Variants in SLIT2 observed in about 807,000 individuals in gnomAD.
SLIT2 encodes slit guidance ligand 2.
In SLIT2, 41 loss-of-function variants were observed where a neutral mutation model predicts 185.7. The ratio of observed to expected loss-of-function variants is 0.22; its 90% CI spans 0.17 to 0.29. SLIT2 has a LOEUF of 0.29. Ranked by LOEUF, SLIT2 falls within the 10% of genes least tolerant of loss-of-function variation. The pLI, the probability that SLIT2 is intolerant of heterozygous loss-of-function variation, is 1.00. For synonymous variants in SLIT2, 693 were observed against 680.2 expected, an observed-to-expected ratio of 1.02 and a Z score of -0.29; for missense variants, 1,571 against 1,909.0, an observed-to-expected ratio of 0.82 and a Z score of 3.30.
Position 20,350,385 on chromosome 4 carries a change from C to A in SLIT2, c.395+81504C>A, listed in dbSNP as rs143227761. Among the ~76,000 whole-genome samples the A allele has an allele frequency of 3.1e-3, 476 of 151,798 alleles. 3 individuals carry two copies. Among genetic ancestry groups the A allele is most frequent in the African/African-American group, 0.011 (452 of 41,372 alleles). On this transcript the variant is annotated intron_variant, in intron 4 of 36. Transcript: ENST00000504154. ...ACCAGTAGATTTCCCAAAGCATGAG[C>A]AAATTCTATTTTACTGGAGTCAATA...
chr4:20,336,028 C>G (rs550128224), intron 4 of SLIT2, among the ~76,000 whole-genome samples: 2 of 152,002 alleles, frequency 1.3e-5, no homozygotes, highest in Non-Finnish European at 2.9e-5. Context: ...ATTTTCATGA[C>G]AAAAACCTAC....
chr4:20,427,458 T>C (rs76962716), intron 4 of SLIT2, among the ~76,000 whole-genome samples: 1,607 of 152,312 alleles, frequency 0.011, 30 homozygotes, highest in African/African-American at 0.036. Context: ...GTCAAAAGTT[T>C]GTCATTATGG....
chr4:20,486,768 G>C lies in SLIT2; in HGVS notation c.611+497G>C, dbSNP rs573733530. 1.8e-4 allele frequency among the ~76,000 whole-genome samples: 27 copies of C among 151,980 alleles called. No homozygotes were observed. In the South Asian group the frequency reaches 5.6e-3, roughly 32 times the overall value. On this transcript the variant is annotated intron_variant, in intron 7 of 36. Transcript: ENST00000504154. Reference sequence around the variant, plus strand: ...TACAGATGGACATTAAGATATTTTTGGTCTAATAAAGTATTGACTACAGCT... The same window carrying C: ...TACAGATGGACATTAAGATATTTTTCGTCTAATAAAGTATTGACTACAGCT...
intron 34 of SLIT2, among the ~76,000 whole-genome samples, chr4:20,611,510 A>C (rs879125555): frequency 1.3e-5 from 2 of 152,232 alleles, no homozygotes; most frequent in Non-Finnish European, 2.9e-5. Context: ...ACTATAATGC[A>C]TTATAAATAA....
intron 4 of SLIT2, among the ~76,000 whole-genome samples, chr4:20,389,765 A>G (rs1411781580): frequency 6.6e-6 from 1 of 152,110 alleles, no homozygotes; most frequent in African/African-American, 2.4e-5. Flanking sequence ...AGTTTATTCT[A>G]GTAGTTGTGG....
chr4:20,307,252 T>TTCCA (rs1445148550), intron 4 of SLIT2, among the ~76,000 whole-genome samples: 1 of 142,420 alleles, frequency 7.0e-6, no homozygotes, highest in East Asian at 2.1e-4. Context: ...CCTTCCTTCC[T>TTCCA]TCCTTCCTTC....
chr4:20,374,846 G>T (rs573693939), intron 4 of SLIT2, among the ~76,000 whole-genome samples: 1 of 151,972 alleles, frequency 6.6e-6, no homozygotes. Flanking sequence ...CTTATTAAAG[G>T]CTTACGTTCA....
At chr4:20,516,062 G>T (rs527538843) in intron 11 of SLIT2, among the ~76,000 whole-genome samples, 3 of 152,302 alleles carry the variant, frequency 2.0e-5, no homozygotes, top group South Asian at 2.1e-4. Flanking sequence ...TGATCCGGCC[G>T]CCTGGGCCTC....
chr4:20,279,269 G>T (rs957433994), intron 4 of SLIT2, among the ~76,000 whole-genome samples: 1 of 152,072 alleles, frequency 6.6e-6, no homozygotes, highest in Non-Finnish European at 1.5e-5. Flanking sequence ...CTTTCACTTG[G>T]CTTTGATGAC....
intron 4 of SLIT2, among the ~76,000 whole-genome samples, chr4:20,409,081 GT>G (rs952952110): frequency 1.3e-5 from 2 of 151,812 alleles, no homozygotes; most frequent in Admixed American, 1.3e-4. Context: ...TCCAACTTTT[GT>G]TTTAAGTTTG....
At chr4:20,533,396 A>G (rs1320064825) in intron 17 of SLIT2, 176 bp from the exon 18 acceptor site, 1 of 603,456 alleles carries the variant, frequency 1.7e-6, no homozygotes, top group Non-Finnish European at 3.0e-6. Context: ...CCCTGTTAGT[A>G]TTATTGTCCC....
intron 18 of SLIT2, among the ~76,000 whole-genome samples, chr4:20,539,045 C>T (rs192544168): frequency 1.4e-3 from 207 of 152,198 alleles, no homozygotes; most frequent in African/African-American, 4.6e-3. Flanking sequence ...TTTCTGCCTC[C>T]CTTCTGTTCA....
chr4:20,510,821 A>C (rs1374035020), intron 10 of SLIT2, among the ~76,000 whole-genome samples: 2 of 152,210 alleles, frequency 1.3e-5, no homozygotes, highest in Non-Finnish European at 2.9e-5. Context: ...GCATATGAAC[A>C]TATGTTCAGG....
At chr4:20,590,195 G>A (rs568452015) in intron 30 of SLIT2, among the ~76,000 whole-genome samples, 10 of 152,158 alleles carry the variant, frequency 6.6e-5, no homozygotes, top group East Asian at 1.9e-4. Context: ...GTGAGCCACC[G>A]CGCCCAGCCC....
Position 20,305,018 on chromosome 4 carries a change from A to G in SLIT2, c.395+36137A>G, listed in dbSNP as rs1243554262. On this transcript the variant is annotated intron_variant, in intron 4 of 36. Transcript: ENST00000504154. ...AGTAGTTTTGTTGCTAGTACACTAG[A>G]CTGTGAATTCTTCGAAGAATGAATC... 2.0e-5 allele frequency among the ~76,000 whole-genome samples: 3 copies of G among 152,342 alleles called. No homozygotes were observed. The East Asian group carries it at 5.8e-4, about 29-fold the overall frequency.
chr4:20,539,303 A>G, intron 18 of SLIT2, 138 bp from the exon 19 acceptor site: 1 of 683,450 alleles, frequency 1.5e-6, no homozygotes. Context: ...ATTCATAGCA[A>G]TATCTAATAG....
chr4:20,417,436 G>GTATATATATATGTATA (rs1727773676), intron 4 of SLIT2, among the ~76,000 whole-genome samples: 1 of 123,678 alleles, frequency 8.1e-6, no homozygotes, highest in Non-Finnish European at 1.8e-5. Flanking sequence ...ATGTGTGTGT[G>GTATATATATATGTATA]TATATATATA....
At chr4:20,408,100 A>G (rs1577595760) in intron 4 of SLIT2, among the ~76,000 whole-genome samples, 1 of 152,170 alleles carries the variant, frequency 6.6e-6, no homozygotes, top group Non-Finnish European at 1.5e-5. Flanking sequence ...ATAAAGTTCC[A>G]TACAAAATAC....
intron 4 of SLIT2, among the ~76,000 whole-genome samples, chr4:20,431,511 T>C (rs1436307149): frequency 1.3e-5 from 2 of 152,130 alleles, no homozygotes; most frequent in Non-Finnish European, 2.9e-5. Context: ...TCATGCTCTT[T>C]AACATCGACT....
Sources: gnomAD v4.1 joint callset for allele counts (sites outside exome capture counted in the v4.1 genomes callset) on GRCh38, gnomAD v4.1.1 for gene constraint, MANE v1.5 for transcripts, NCBI Gene and HGNC (gene_info 2026-07-23, HGNC 2026-07-21) for gene names.